The following ARHGAP10 variants were observed in gnomAD, a reference collection of about 807,000 sequenced individuals.
The protein encoded by ARHGAP10 is Rho GTPase activating protein 10.
In ARHGAP10, 87 loss-of-function variants were observed where a neutral mutation model predicts 108.6. That is an observed-to-expected ratio of 0.80 (90% CI 0.67 to 0.96). The LOEUF is 0.96. ARHGAP10 is among the 40% of genes least tolerant of loss of function. The pLI is 0.00. For missense variants in ARHGAP10, 939 were observed against 954.5 expected (o/e 0.98, Z 0.21); for synonymous variants, 347 against 341.1 (o/e 1.02, Z -0.19).
intron 16 of ARHGAP10, among the ~76,000 whole-genome samples, chr4:147,960,789 T>C (rs2126990905): frequency 6.6e-6 from 1 of 152,348 alleles, no homozygotes; most frequent in Middle Eastern, 3.4e-3. Context: ...CATTGTAGGT[T>C]GAGGCTGCAG....
At chr4:147,756,356 A>G (rs543042213) in intron 1 of ARHGAP10, among the ~76,000 whole-genome samples, 1 of 152,200 alleles carries the variant, frequency 6.6e-6, no homozygotes, top group South Asian at 2.1e-4. Context: ...TGAATAAACC[A>G]TTTCTGGATC....
intron 13 of ARHGAP10, among the ~76,000 whole-genome samples, chr4:147,933,251 T>C (rs890320367): frequency 6.6e-6 from 1 of 152,194 alleles, no homozygotes; most frequent in Non-Finnish European, 1.5e-5. Context: ...AAGGTTTTGC[T>C]ATGTTGCCCA....
chr4:147,967,449 C>T (rs1454722269), intron 18 of ARHGAP10, among the ~76,000 whole-genome samples: 3 of 152,168 alleles, frequency 2.0e-5, no homozygotes, highest in African/African-American at 7.2e-5. Context: ...GGCATTGCAT[C>T]TGGGGAGCAG....
intron 13 of ARHGAP10, among the ~76,000 whole-genome samples, chr4:147,927,898 C>T (rs1169771970): frequency 6.6e-6 from 1 of 152,144 alleles, no homozygotes; most frequent in African/African-American, 2.4e-5. Flanking sequence ...GAGTGTGGGG[C>T]CCCAAAGGTT....
chr4:147,765,616 A>G (rs942788472), intron 1 of ARHGAP10, among the ~76,000 whole-genome samples: 4 of 151,958 alleles, frequency 2.6e-5, no homozygotes, highest in Non-Finnish European at 4.4e-5. Context: ...CCTGACCAAC[A>G]TGGTCAAAGC....
chr4:148,053,100 G>A (rs1294488860), intron 20 of ARHGAP10, among the ~76,000 whole-genome samples: 3 of 152,118 alleles, frequency 2.0e-5, no homozygotes, highest in African/African-American at 7.2e-5. Context: ...TCAACCCAGT[G>A]CGGTAGATAT....
chr4:147,773,311 C>A (rs1730148632), intron 1 of ARHGAP10, among the ~76,000 whole-genome samples: 1 of 152,156 alleles, frequency 6.6e-6, no homozygotes. Flanking sequence ...TCACCCAGTT[C>A]ATCACAAGTT....
chr4:147,738,868 C>T (rs188573731), intron 1 of ARHGAP10, among the ~76,000 whole-genome samples: 19 of 151,912 alleles, frequency 1.3e-4, no homozygotes, highest in African/African-American at 4.1e-4. Flanking sequence ...GATTGTAGTT[C>T]GGGATGCTGG....
intron 3 of ARHGAP10, among the ~76,000 whole-genome samples, chr4:147,832,475 T>C (rs1732990899): frequency 6.6e-6 from 1 of 151,572 alleles, no homozygotes; most frequent in African/African-American, 2.4e-5. Context: ...GGTGAAACCC[T>C]GTCTCTGCTA....
intron 18 of ARHGAP10, among the ~76,000 whole-genome samples, chr4:148,008,442 T>C (rs971315431): frequency 6.6e-6 from 1 of 151,738 alleles, no homozygotes; most frequent in African/African-American, 2.4e-5. Context: ...CATTTGGTAG[T>C]GTCTAGAGAC....
At chr4:147,798,016 T>C (rs1731387970) in intron 1 of ARHGAP10, among the ~76,000 whole-genome samples, 1 of 152,206 alleles carries the variant, frequency 6.6e-6, no homozygotes, top group Non-Finnish European at 1.5e-5. Flanking sequence ...GGACCAAGAA[T>C]TGTGACTGAT....
At chr4:147,995,639 A>G (rs1439920034) in intron 18 of ARHGAP10, among the ~76,000 whole-genome samples, 1 of 152,222 alleles carries the variant, frequency 6.6e-6, no homozygotes, top group Non-Finnish European at 1.5e-5. Context: ...TTAGAAGAAA[A>G]AATAATAACC....
At chr4:147,980,350 G>C (rs1367697690) in intron 18 of ARHGAP10, among the ~76,000 whole-genome samples, 3 of 151,998 alleles carry the variant, frequency 2.0e-5, no homozygotes, top group Non-Finnish European at 4.4e-5. Flanking sequence ...TTATTGATTT[G>C]GGTAGATGAA....
In ARHGAP10 at chr4:147,840,632, C is replaced by G. The variant is rs1198291140; in HGVS notation, c.313-6519C>G. Reference sequence around the variant, plus strand: ...TGTGGCTCCATTGGCTTATGTTAAACTTTCAGTTAAGAGAACATTTTAGGA... The same window carrying G: ...TGTGGCTCCATTGGCTTATGTTAAAGTTTCAGTTAAGAGAACATTTTAGGA... On this transcript the variant is annotated intron_variant, in intron 3 of 22. Transcript: ENST00000336498. Among the ~76,000 whole-genome samples, 3 of 152,154 alleles carry G rather than the reference C, an allele frequency of 2.0e-5. No homozygotes were observed. The East Asian group carries it at 5.8e-4, about 29-fold the overall frequency.
At chr4:147,905,315 T>C (rs1736439575) in intron 10 of ARHGAP10, among the ~76,000 whole-genome samples, 1 of 148,690 alleles carries the variant, frequency 6.7e-6, no homozygotes, top group East Asian at 2.0e-4. Context: ...CCCATGCCTA[T>C]GTCCTGAATG....
chr4:148,010,472 T>C (rs892135864), intron 18 of ARHGAP10, among the ~76,000 whole-genome samples: 3 of 152,184 alleles, frequency 2.0e-5, no homozygotes, highest in African/African-American at 4.8e-5. Flanking sequence ...CTTTTTTTGG[T>C]TGAAAAATTT....
intron 18 of ARHGAP10, among the ~76,000 whole-genome samples, chr4:148,016,796 C>T (rs1439373265): frequency 1.3e-5 from 2 of 152,086 alleles, no homozygotes; most frequent in South Asian, 2.1e-4. Context: ...TGACTGGCTT[C>T]CACTTGGGGT....
chr4:147,770,798 C>T (rs1246279082), intron 1 of ARHGAP10, among the ~76,000 whole-genome samples: 1 of 152,144 alleles, frequency 6.6e-6, no homozygotes, highest in Non-Finnish European at 1.5e-5. Context: ...TATGATTCTG[C>T]TAGGACAGCC....
chr4:147,819,301 A>C (rs1244835179), intron 1 of ARHGAP10, among the ~76,000 whole-genome samples: 1 of 152,196 alleles, frequency 6.6e-6, no homozygotes, highest in Non-Finnish European at 1.5e-5. Flanking sequence ...TATTCATAGC[A>C]ATATATAAAA....
Sources: gnomAD v4.1 joint callset for allele counts (sites outside exome capture counted in the v4.1 genomes callset) on GRCh38, gnomAD v4.1.1 for gene constraint, MANE v1.5 for transcripts, NCBI Gene and HGNC (gene_info 2026-07-23, HGNC 2026-07-21) for gene names.